The following FMNL2 variants were observed in gnomAD, a reference collection of about 807,000 sequenced individuals.
The protein encoded by FMNL2 is formin like 2.
In FMNL2, 51 loss-of-function variants were observed where a neutral mutation model predicts 130.2. That is an observed-to-expected ratio of 0.39 (90% CI 0.31 to 0.49). The LOEUF (loss-of-function observed/expected upper bound fraction) is 0.49. FMNL2 is among the 20% of genes least tolerant of loss of function. The pLI is 0.85. For missense variants in FMNL2, 977 were observed against 1,316.2 expected, an observed-to-expected ratio of 0.74 and a Z score of 3.99; for synonymous variants, 465 against 467.1, an observed-to-expected ratio of 1.00 and a Z score of 0.06.
intron 1 of FMNL2, among the ~76,000 whole-genome samples, chr2:152,356,389 G>T (rs1449379255): frequency 2.0e-5 from 3 of 152,204 alleles, no homozygotes; most frequent in Admixed American, 2.0e-4. Context: ...CTCCCAAAGT[G>T]CTGGGATTAC....
intron 13 of FMNL2, among the ~76,000 whole-genome samples, chr2:152,617,882 G>C (rs926397294): frequency 6.6e-6 from 1 of 152,182 alleles, no homozygotes; most frequent in African/African-American, 2.4e-5. Context: ...TTTATGTGAT[G>C]GTTATCGTGT....
rs537176545 is a variant in FMNL2, at chr2:152,459,334, T to G, written c.118-62609T>G. On this transcript the variant is annotated intron_variant, in intron 1 of 25. Transcript: ENST00000288670. Reference sequence around the variant, plus strand: ...AATGAGGTCTTTCATGAATATGCCATGATTTTGATTTCTGCTTTTGTTAAG... The same window carrying G: ...AATGAGGTCTTTCATGAATATGCCAGGATTTTGATTTCTGCTTTTGTTAAG... Among the ~76,000 whole-genome samples, 3 of 152,330 alleles carry G rather than the reference T, an allele frequency of 2.0e-5. No homozygotes were observed. In the South Asian group the frequency reaches 6.2e-4, roughly 32 times the overall value.
At chr2:152,627,089 G>A (rs192956352) in intron 17 of FMNL2, among the ~76,000 whole-genome samples, 82 of 152,358 alleles carry the variant, frequency 5.4e-4, no homozygotes, top group Non-Finnish European at 1.0e-3. Flanking sequence ...GAGCGTGGCA[G>A]ATGTTAAGAA....
chr2:152,466,201 G>A (rs1352634127), intron 1 of FMNL2, among the ~76,000 whole-genome samples: 2 of 152,190 alleles, frequency 1.3e-5, no homozygotes, highest in African/African-American at 4.8e-5. Flanking sequence ...TCTGAACCCT[G>A]TCACTTGGCG....
intron 1 of FMNL2, among the ~76,000 whole-genome samples, chr2:152,344,786 A>G (rs1682018846): frequency 6.6e-6 from 1 of 152,204 alleles, no homozygotes; most frequent in Non-Finnish European, 1.5e-5. Flanking sequence ...TACCATTTAC[A>G]AAGACTTGAT....
At chr2:152,515,559 G>T (rs1486281253) in intron 1 of FMNL2, among the ~76,000 whole-genome samples, 1 of 152,122 alleles carries the variant, frequency 6.6e-6, no homozygotes, top group African/African-American at 2.4e-5. Flanking sequence ...AAGTGGAATT[G>T]TGAGATTGCT....
At chr2:152,391,413 G>T (rs1316745089) in intron 1 of FMNL2, among the ~76,000 whole-genome samples, 3 of 152,198 alleles carry the variant, frequency 2.0e-5, no homozygotes, top group Non-Finnish European at 4.4e-5. Flanking sequence ...AGGCAGTAGA[G>T]GTAGTTGAGT....
chr2:152,553,404 A>G (rs1300793106), intron 4 of FMNL2, among the ~76,000 whole-genome samples: 1 of 152,076 alleles, frequency 6.6e-6, no homozygotes, highest in Non-Finnish European at 1.5e-5. Flanking sequence ...TTAGCCCTGA[A>G]TCCCTGTTTT....
intron 18 of FMNL2, among the ~76,000 whole-genome samples, chr2:152,629,363 C>T (rs1439307915): frequency 1.3e-5 from 2 of 152,118 alleles, no homozygotes; most frequent in African/African-American, 4.8e-5. Context: ...GCTGTGGACT[C>T]TTAACTCTGA....
intron 1 of FMNL2, among the ~76,000 whole-genome samples, chr2:152,392,069 A>G (rs1043495797): frequency 6.6e-6 from 1 of 151,868 alleles, no homozygotes; most frequent in Non-Finnish European, 1.5e-5. Flanking sequence ...TTTTTATGCT[A>G]TTTTCATATT....
chr2:152,542,959 A>G (rs1386673015), intron 3 of FMNL2, 140 bp downstream of exon 3: 1 of 842,740 alleles, frequency 1.2e-6, no homozygotes, highest in Non-Finnish European at 1.9e-6. Flanking sequence ...GGAGACCAAC[A>G]ACGTAAGAAG....
In FMNL2 at chr2:152,389,613, C is replaced by T. The variant is rs141482960; in HGVS notation, c.117+53893C>T. Among the ~76,000 whole-genome samples the T allele has an allele frequency of 3.2e-3, 484 of 152,240 alleles. 4 individuals are homozygous for T. Among genetic ancestry groups the T allele is most frequent in the African/African-American group, 0.011 (446 of 41,540 alleles). ...TAGAGTTGTTGGGCCCGGCGTGACC[C>T]GAAGTAGTGGAGAGAGCACAGGACT... On this transcript the variant is annotated intron_variant, in intron 1 of 25. Coordinates refer to ENST00000288670, the MANE Select transcript of FMNL2 (RefSeq NM_052905.4).
At chr2:152,457,653 A>G (rs892392528) in intron 1 of FMNL2, among the ~76,000 whole-genome samples, 22 of 152,224 alleles carry the variant, frequency 1.4e-4, no homozygotes, top group African/African-American at 5.3e-4. Flanking sequence ...TATGTTTTCT[A>G]TTGCTACTGG....
chr2:152,484,100 G>T (rs145402018), intron 1 of FMNL2, among the ~76,000 whole-genome samples: 5 of 152,288 alleles, frequency 3.3e-5, no homozygotes, highest in African/African-American at 1.2e-4. Flanking sequence ...GTTTCCAACG[G>T]TAATGGCCCT....
chr2:152,371,451 A>G (rs981877188), intron 1 of FMNL2, among the ~76,000 whole-genome samples: 1 of 152,014 alleles, frequency 6.6e-6, no homozygotes, highest in Non-Finnish European at 1.5e-5. Flanking sequence ...CGGGCGGATC[A>G]TGAGTTCAGG....
chr2:152,610,782 C>T (rs1347519456), intron 10 of FMNL2, among the ~76,000 whole-genome samples: 1 of 152,156 alleles, frequency 6.6e-6, no homozygotes, highest in African/African-American at 2.4e-5. Context: ...CGTATATTTT[C>T]ATTTCTCTTA....
At position 152,445,407 on chromosome 2, in the gene FMNL2, A is replaced by C. The variant is rs549108718; in HGVS notation, c.118-76536A>C. On this transcript the variant is annotated intron_variant, in intron 1 of 25. Coordinates refer to ENST00000288670, the MANE Select transcript of FMNL2 (RefSeq NM_052905.4). ...AATTAAACTTCAGTTTAAATGTCCT[A>C]GACCACTATTGTCCAATGGAACATT... 7.2e-5 allele frequency among the ~76,000 whole-genome samples: 11 copies of C among 152,342 alleles called. No individual in the cohort carries two copies. In the East Asian group the frequency reaches 2.1e-3, roughly 29 times the overall value.
chr2:152,377,400 C>T (rs189258128), intron 1 of FMNL2, among the ~76,000 whole-genome samples: 1 of 152,300 alleles, frequency 6.6e-6, no homozygotes, highest in Non-Finnish European at 1.5e-5. Context: ...TTAGTCTATC[C>T]TCTTTTAAAG....
At chr2:152,378,896 G>C (rs530218959) in intron 1 of FMNL2, among the ~76,000 whole-genome samples, 262 of 146,886 alleles carry the variant, frequency 1.8e-3, no homozygotes, top group Middle Eastern at 7.4e-3. Flanking sequence ...TTTTAAGAGT[G>C]AGAAGAGGTG....
Sources: allele counts gnomAD v4.1 joint callset (sites outside exome capture counted in the v4.1 genomes callset), GRCh38; gene constraint gnomAD v4.1.1; transcripts MANE v1.5; gene names NCBI Gene and HGNC (gene_info 2026-07-23, HGNC 2026-07-21).